KSR2: variants seen among roughly 807,000 people sequenced by gnomAD.
KSR2 encodes kinase suppressor of ras 2.
Under a neutral mutation model 107.8 loss-of-function variants are expected in KSR2, and 25 were observed. That is an observed-to-expected ratio of 0.23 (90% CI 0.17 to 0.32). KSR2 has a LOEUF of 0.32. Ranked by LOEUF, KSR2 falls within the 10% of genes least tolerant of loss-of-function variation. The pLI is 1.00. For missense variants in KSR2, 887 were observed against 1,268.9 expected, an observed-to-expected ratio of 0.70 and a Z score of 4.57; for synonymous variants, 480 against 507.0, an observed-to-expected ratio of 0.95 and a Z score of 0.71.
intron 5 of KSR2, among the ~76,000 whole-genome samples, chr12:117,599,326 C>A (rs1419747306): frequency 6.6e-6 from 1 of 152,184 alleles, no homozygotes; most frequent in Non-Finnish European, 1.5e-5. Flanking sequence ...CACTGGTTCC[C>A]AAACTTCACG....
At chr12:117,923,359 G>A (rs1213572440) in intron 1 of KSR2, among the ~76,000 whole-genome samples, 1 of 152,144 alleles carries the variant, frequency 6.6e-6, no homozygotes, top group Non-Finnish European at 1.5e-5. Flanking sequence ...TTCAATATTC[G>A]TTAACTCAGG....
At chr12:117,937,524 G>C (rs1430618894) in intron 1 of KSR2, among the ~76,000 whole-genome samples, 1 of 152,028 alleles carries the variant, frequency 6.6e-6, no homozygotes, top group Non-Finnish European at 1.5e-5. Context: ...TTGAGAAGTG[G>C]AGATCATATA....
At chr12:117,648,940 C>A (rs61939015) in intron 5 of KSR2, among the ~76,000 whole-genome samples, 3,643 of 152,292 alleles carry the variant, frequency 0.024, 53 homozygotes, top group Non-Finnish European at 0.037. Flanking sequence ...AACAGTGCTA[C>A]AGATGCGCAA....
chr12:117,795,785 A>AT (rs1423284250), intron 3 of KSR2, among the ~76,000 whole-genome samples: 2 of 151,948 alleles, frequency 1.3e-5, no homozygotes, highest in Non-Finnish European at 2.9e-5. Flanking sequence ...TATGCCATCA[A>AT]TTTTTTGTAG....
intron 4 of KSR2, among the ~76,000 whole-genome samples, chr12:117,687,210 TTGTC>T (rs1415309390): frequency 2.0e-5 from 3 of 152,196 alleles, no homozygotes; most frequent in Non-Finnish European, 2.9e-5. Context: ...TCCTGCCTCT[TTGTC>T]TGCCCCTTGC....
intron 3 of KSR2, among the ~76,000 whole-genome samples, chr12:117,816,089 G>T (rs889747427): frequency 6.6e-6 from 1 of 151,452 alleles, no homozygotes; most frequent in African/African-American, 2.4e-5. Context: ...CAAGAAGTCA[G>T]GGAAGGCCAC....
At chr12:117,774,464 T>G (rs1219841987) in intron 3 of KSR2, among the ~76,000 whole-genome samples, 1 of 152,108 alleles carries the variant, frequency 6.6e-6, no homozygotes, top group Admixed American at 6.6e-5. Context: ...ACCAAACAAA[T>G]GCACTGACCC....
chr12:117,891,284 C>T (rs890606428), intron 1 of KSR2, among the ~76,000 whole-genome samples: 2 of 151,680 alleles, frequency 1.3e-5, no homozygotes, highest in African/African-American at 2.4e-5. Flanking sequence ...GGTGTGGTGG[C>T]GCATGCCTGT....
In KSR2 at chr12:117,528,316, A is replaced by G. The variant is rs544656392; in HGVS notation, c.1803-1197T>C. ...GCAGGGTTTAGACTTGAGGATGTGC[A>G]TGTGTTTTTGAAGTGCAGCAGGGAG... On this transcript the variant is annotated intron_variant, in intron 12 of 19. Transcript: ENST00000339824. 2.9e-4 allele frequency among the ~76,000 whole-genome samples: 44 copies of G among 152,260 alleles called. No individual in the cohort carries two copies. The South Asian group carries it at 8.9e-3, about 31-fold the overall frequency.
At chr12:117,928,023 G>A (rs140612893) in intron 1 of KSR2, among the ~76,000 whole-genome samples, 4 of 151,910 alleles carry the variant, frequency 2.6e-5, no homozygotes, top group South Asian at 2.1e-4. Flanking sequence ...GGCAACCACC[G>A]TTCTACTTTC....
chr12:117,869,673 C>T (rs552201363), intron 1 of KSR2, among the ~76,000 whole-genome samples: 1 of 152,248 alleles, frequency 6.6e-6, no homozygotes, highest in East Asian at 1.9e-4. Context: ...AGGGTCTTTC[C>T]CCGTTAGTTC....
At position 117,539,898 on chromosome 12, in the gene KSR2, A is replaced by G. The variant is rs371795084; in HGVS notation, c.1519-11T>C. On this transcript the variant is annotated splice_polypyrimidine_tract_variant and intron_variant, in intron 9 of 19. Coordinates refer to ENST00000339824, the MANE Select transcript of KSR2 (RefSeq NM_173598.6). ...GACAGGGATGTGGTCCTGCAGAGAG[A>G]AAACAGGGTAGGAGTCAGGGACAGG... 812 of 1,595,118 alleles carry G rather than the reference A, an allele frequency of 5.1e-4. 11 individuals are homozygous for G. The South Asian group carries it at 8.4e-3, about 17-fold the overall frequency.
intron 4 of KSR2, among the ~76,000 whole-genome samples, chr12:117,759,977 C>T (rs1001457677): frequency 3.3e-5 from 5 of 152,226 alleles, no homozygotes; most frequent in African/African-American, 4.8e-5. Flanking sequence ...GGCGTGGTGG[C>T]ACAGGCCTGT....
At chr12:117,648,937 C>T (rs1469949757) in intron 5 of KSR2, among the ~76,000 whole-genome samples, 1 of 152,202 alleles carries the variant, frequency 6.6e-6, no homozygotes, top group Non-Finnish European at 1.5e-5. Context: ...TTGAACAGTG[C>T]TACAGATGCG....
In KSR2 at chr12:117,687,494, G is replaced by C. The variant is rs142104688; in HGVS notation, c.987-19836C>G. On this transcript the variant is annotated intron_variant, in intron 4 of 19. Coordinates refer to ENST00000339824, the MANE Select transcript of KSR2 (RefSeq NM_173598.6). ...TAGGGTAGAAAATTTGCTTATTTGG[G>C]ATCAAACAGTATAGAGGGTGGGCTC... is the stretch of plus-strand genomic sequence containing the variant. Among the ~76,000 whole-genome samples the C allele has an allele frequency of 6.2e-3, 939 of 152,192 alleles. 5 individuals carry two copies. Among genetic ancestry groups the C allele is most frequent in the African/African-American group, 0.022 (904 of 41,502 alleles).
chr12:117,740,561 G>GT (rs1327555583), intron 4 of KSR2, among the ~76,000 whole-genome samples: 7 of 121,616 alleles, frequency 5.8e-5, no homozygotes, highest in Non-Finnish European at 1.2e-4. Flanking sequence ...TATAATATAT[G>GT]AATATATAAC....
At chr12:117,771,298 T>C (rs1457804128) in intron 3 of KSR2, among the ~76,000 whole-genome samples, 1 of 152,140 alleles carries the variant, frequency 6.6e-6, no homozygotes, top group Non-Finnish European at 1.5e-5. Flanking sequence ...AATGCAATCG[T>C]TTGTCTCTCG....
intron 4 of KSR2, among the ~76,000 whole-genome samples, chr12:117,754,188 G>A (rs1004018861): frequency 1.3e-5 from 2 of 152,132 alleles, no homozygotes; most frequent in Admixed American, 6.5e-5. Flanking sequence ...GGAGATGACA[G>A]ACATGCTATG....
chr12:117,863,080 C>G (rs948691370), intron 1 of KSR2, among the ~76,000 whole-genome samples: 1 of 152,134 alleles, frequency 6.6e-6, no homozygotes, highest in African/African-American at 2.4e-5. Context: ...TTCAAGGAAC[C>G]TCCCTTCTTT....
Sources: gnomAD v4.1 joint callset for allele counts (sites outside exome capture counted in the v4.1 genomes callset) on GRCh38, gnomAD v4.1.1 for gene constraint, MANE v1.5 for transcripts, NCBI Gene and HGNC (gene_info 2026-07-23, HGNC 2026-07-21) for gene names.